The following SLC4A5 variants were observed in gnomAD, a reference collection of about 807,000 sequenced individuals.
SLC4A5 encodes solute carrier family 4 member 5, also known as electrogenic sodium bicarbonate cotransporter 4.
SLC4A5 carries 96 observed loss-of-function variants against 120.4 expected under a neutral mutation model. That is an observed-to-expected ratio of 0.80 (90% CI 0.68 to 0.94). The LOEUF (loss-of-function observed/expected upper bound fraction) is 0.94, where lower values mean the gene tolerates loss of function less well. Ranked by LOEUF, SLC4A5 falls within the 40% of genes least tolerant of loss-of-function variation. The pLI, the probability that SLC4A5 is intolerant of heterozygous loss-of-function variation, is 0.00. For synonymous variants in SLC4A5, 550 were observed against 571.1 expected, an observed-to-expected ratio of 0.96 and a Z score of 0.53; for missense variants, 1,259 against 1,459.5, an observed-to-expected ratio of 0.86 and a Z score of 2.24.
intron 22 of SLC4A5, 25 bp from the exon 23 acceptor site, chr2:74,233,588 G>C (rs1361475436): frequency 1.3e-6 from 2 of 1,592,432 alleles, no homozygotes; most frequent in African/African-American, 2.7e-5. Flanking sequence ...ACAGAGAGGG[G>C]CCCTTTCCTC....
At chr2:74,284,073 C>T (rs895545839) in intron 8 of SLC4A5, among the ~76,000 whole-genome samples, 2 of 151,974 alleles carry the variant, frequency 1.3e-5, no homozygotes, top group Non-Finnish European at 2.9e-5. Flanking sequence ...GTCTTGAACT[C>T]CTGGGCTCAA....
At chr2:74,330,515 AGGTGGT>A (rs1246563659) in intron 4 of SLC4A5, among the ~76,000 whole-genome samples, 23 of 139,652 alleles carry the variant, frequency 1.6e-4, no homozygotes, top group Admixed American at 1.4e-4. Flanking sequence ...GTCTAGATGG[AGGTGGT>A]GAGGTCTAGA....
chr2:74,314,409 A>G (rs1672901008), intron 6 of SLC4A5, among the ~76,000 whole-genome samples: 1 of 152,078 alleles, frequency 6.6e-6, no homozygotes, highest in South Asian at 2.1e-4. Context: ...CCGAGCCTCT[A>G]GGTGGGCAGC....
At position 74,255,714 on chromosome 2, in the gene SLC4A5, T is replaced by G. The variant is rs575210486; in HGVS notation, c.1025+61A>C. 267 of 1,593,010 alleles carry G rather than the reference T, an allele frequency of 1.7e-4. No individual in the cohort carries two copies. The highest frequency in any genetic ancestry group is 2.7e-4 in the Admixed American group (16 of 59,452). On this transcript the variant is annotated intron_variant, in intron 13 of 30. Coordinates refer to ENST00000394019, the Ensembl canonical transcript of SLC4A5. The surrounding 1 kb of genome is among the most constrained non-coding windows in gnomAD (Gnocchi z 4.0). ...ACTAACAGTCAACAGCACTGCTTGC[T>G]GACTGCACTGCTGACTGGCTACCTG...
intron 8 of SLC4A5, among the ~76,000 whole-genome samples, chr2:74,271,051 T>A (rs761873680): frequency 6.6e-6 from 1 of 152,146 alleles, no homozygotes; most frequent in Non-Finnish European, 1.5e-5. Flanking sequence ...CAAACTCTAA[T>A]GTGCATGGGG....
chr2:74,224,848 C>G, exon 28 of SLC4A5: 1 of 1,610,992 alleles, frequency 6.2e-7, no homozygotes, highest in Non-Finnish European at 8.5e-7. Flanking sequence ...ACCTCCTCAT[C>G]ACAGTCCTCG....
chr2:74,299,894 T>C (rs2104237731), intron 7 of SLC4A5, among the ~76,000 whole-genome samples: 1 of 152,350 alleles, frequency 6.6e-6, no homozygotes, highest in Admixed American at 6.5e-5. Context: ...GCCAAATCAG[T>C]ATCTTGAAAA....
intron 27 of SLC4A5, among the ~76,000 whole-genome samples, chr2:74,225,702 C>A (rs1694818431): frequency 6.6e-6 from 1 of 152,224 alleles, no homozygotes; most frequent in South Asian, 2.1e-4. Flanking sequence ...CCCCCAGTTT[C>A]TGATTTAGCA....
intron 8 of SLC4A5, among the ~76,000 whole-genome samples, chr2:74,282,920 C>A (rs1459517555): frequency 1.3e-5 from 2 of 152,180 alleles, no homozygotes; most frequent in African/African-American, 4.8e-5. Flanking sequence ...TCGTTCAGGG[C>A]GGGCAGTGGC....
Position 74,247,163 on chromosome 2 carries a change from G to A in SLC4A5, c.1932C>T (p.Ile644=), listed in dbSNP as rs146215380. ...TGGCATCGTAGATGAAGATGAAGCT[G>A]ATAAGGGTGGAGAAGCCCTCCTCGG... The change falls in exon 19 of 31, where the codon ATC becomes ATT. Residue 644 remains isoleucine, a synonymous_variant. Coordinates refer to ENST00000394019, the Ensembl canonical transcript of SLC4A5. 2.9e-4 allele frequency: 462 copies of A among 1,614,126 alleles called. No homozygotes were observed. The highest frequency in any genetic ancestry group is 3.7e-4 in the Non-Finnish European group (442 of 1,180,050).
chr2:74,265,951 C>G (rs1671288277), intron 8 of SLC4A5, among the ~76,000 whole-genome samples: 1 of 152,148 alleles, frequency 6.6e-6, no homozygotes, highest in Non-Finnish European at 1.5e-5. Context: ...AGCAAGGAGT[C>G]CTGGCCGGAG....
chr2:74,236,777 G>C (rs996604828), intron 21 of SLC4A5, among the ~76,000 whole-genome samples: 18 of 152,036 alleles, frequency 1.2e-4, no homozygotes, highest in Non-Finnish European at 2.6e-4. Context: ...TCAAATATGG[G>C]CAACTTCATA....
chr2:74,230,899 C>T (rs370336052), intron 25 of SLC4A5, among the ~76,000 whole-genome samples: 2 of 152,012 alleles, frequency 1.3e-5, no homozygotes, highest in Non-Finnish European at 2.9e-5. Context: ...CTCCACCTCC[C>T]GGGTTCAAGC....
intron 20 of SLC4A5, among the ~76,000 whole-genome samples, chr2:74,241,129 G>A (rs925364947): frequency 6.6e-6 from 1 of 151,962 alleles, no homozygotes; most frequent in African/African-American, 2.4e-5. Context: ...AGAAATTGGG[G>A]GTCCTAGGCA....
In SLC4A5 at chr2:74,222,453, G is replaced by A. The variant is rs1261836122; in HGVS notation, c.3331+415C>T. On this transcript the variant is annotated intron_variant, in intron 29 of 30. Coordinates refer to ENST00000394019, the Ensembl canonical transcript of SLC4A5. Reference sequence around the variant, plus strand: ...AAGGACAAAGGTCTTCTAGCGCAGGGGTCCTCAGCTCCCAGGCCATGGAAC... The same window carrying A: ...AAGGACAAAGGTCTTCTAGCGCAGGAGTCCTCAGCTCCCAGGCCATGGAAC... Among the ~76,000 whole-genome samples, 4 of 152,158 alleles carry A rather than the reference G, an allele frequency of 2.6e-5. No homozygotes were observed. In the East Asian group the frequency reaches 7.7e-4, roughly 29 times the overall value.
chr2:74,294,093 C>G (rs542496577), intron 7 of SLC4A5, among the ~76,000 whole-genome samples: 1 of 152,138 alleles, frequency 6.6e-6, no homozygotes, highest in African/African-American at 2.4e-5. Flanking sequence ...GGCCAGCCCC[C>G]CAAAAGTGCT....
intron 5 of SLC4A5, among the ~76,000 whole-genome samples, chr2:74,318,143 AT>A (rs1673011957): frequency 6.6e-6 from 1 of 152,222 alleles, no homozygotes; most frequent in African/African-American, 2.4e-5. Context: ...TGAAAAAAAA[AT>A]ATTGCACACT....
At chr2:74,252,334 T>G in exon 16 of SLC4A5, 1 of 1,613,298 alleles carries the variant, frequency 6.2e-7, no homozygotes, top group Non-Finnish European at 8.5e-7. Context: ...CTCCGCCGCC[T>G]CCTCCCACAG....
rs1428269971 is a variant in SLC4A5, at chr2:74,225,012, C to T, written c.3091-17G>A. The T allele has an allele frequency of 1.3e-6, 2 of 1,596,148 alleles. No homozygotes were observed. Among genetic ancestry groups the T allele is most frequent in the African/African-American group, 1.4e-5 (1 of 73,602 alleles). The stretch of plus-strand genomic sequence containing the variant: ...GCCCAGGATCTGTGGTGGAGAGAGA[C>T]TAAAGTTTTGTGAGAATTTGGAGAA... On this transcript the variant is annotated splice_polypyrimidine_tract_variant and intron_variant, in intron 27 of 30. Transcript: ENST00000394019.
Sources: gnomAD v4.1 joint callset for allele counts (sites outside exome capture counted in the v4.1 genomes callset) on GRCh38, gnomAD v4.1.1 for gene constraint, Gnocchi (gnomAD v3.1) non-coding constraint, MANE v1.5 for transcripts, NCBI Gene and HGNC (gene_info 2026-07-23, HGNC 2026-07-21) for gene names.